Variants in ASAP1 observed in about 807,000 individuals in gnomAD.
ASAP1 encodes the protein ArfGAP with SH3 domain, ankyrin repeat and PH domain 1, also known as arf-GAP with SH3 domain, ANK repeat and PH domain-containing protein 1.
Under a neutral mutation model 145.2 loss-of-function variants are expected in ASAP1, and 43 were observed. That is an observed-to-expected ratio of 0.30 (90% CI 0.23 to 0.38). The LOEUF is 0.38. Ranked by LOEUF, ASAP1 falls within the 10% of genes least tolerant of loss-of-function variation. ASAP1 has a pLI of 1.00. For synonymous variants in ASAP1, 546 were observed against 515.5 expected (o/e 1.06, Z -0.80); for missense variants, 1,018 against 1,355.3 (o/e 0.75, Z 3.91).
intron 5 of ASAP1, among the ~76,000 whole-genome samples, chr8:130,188,742 A>AAAG (rs1484122496): frequency 6.7e-6 from 1 of 149,660 alleles, no homozygotes; most frequent in African/African-American, 2.4e-5. Flanking sequence ...AAAAAAAAAA[A>AAAG]AAAGAAAAGA....
intron 27 of ASAP1, among the ~76,000 whole-genome samples, chr8:130,068,352 AG>A: frequency 6.6e-6 from 1 of 152,336 alleles, no homozygotes; most frequent in South Asian, 2.1e-4. Context: ...CAGGGACAAC[AG>A]AAAGTACCTC....
chr8:130,054,935 C>A, intron 29 of ASAP1, 130 bp from the exon 30 acceptor site: 1 of 733,902 alleles, frequency 1.4e-6, no homozygotes, highest in Non-Finnish European at 2.5e-6. Context: ...ACCCTTCTTC[C>A]CACCCTTTAG....
chr8:130,070,535 G>T (rs2097440883), intron 27 of ASAP1, among the ~76,000 whole-genome samples: 1 of 152,064 alleles, frequency 6.6e-6, no homozygotes, highest in African/African-American at 2.4e-5. Flanking sequence ...ATAACCCCCT[G>T]TGGAGCAGTT....
chr8:130,115,778 G>GA (rs3217641), intron 22 of ASAP1, 43 bp from the exon 23 acceptor site: 253,440 of 1,363,694 alleles, frequency 0.19, 27,234 homozygotes, highest in East Asian at 0.44. Context: ...TTTAAATGCT[G>GA]AAACATCCCA....
At chr8:130,278,893 A>G (rs567080585) in intron 3 of ASAP1, among the ~76,000 whole-genome samples, 1 of 152,302 alleles carries the variant, frequency 6.6e-6, no homozygotes, top group African/African-American at 2.4e-5. Context: ...CCTCACAATT[A>G]GAGAGTGTTA....
At chr8:130,219,911 T>G (rs1237590949) in intron 4 of ASAP1, among the ~76,000 whole-genome samples, 2 of 152,150 alleles carry the variant, frequency 1.3e-5, no homozygotes, top group Non-Finnish European at 2.9e-5. Context: ...CAACTCAGCC[T>G]CTGAAGTAGC....
At chr8:130,299,473 T>C (rs376198413) in intron 3 of ASAP1, among the ~76,000 whole-genome samples, 1 of 152,314 alleles carries the variant, frequency 6.6e-6, no homozygotes, top group East Asian at 1.9e-4. Flanking sequence ...CCCAACACTA[T>C]ATGGCACAGT....
Position 130,300,145 on chromosome 8 carries a change from CACACACACAGAGAGAGAG to C in ASAP1, c.186+57854_186+57871del, listed in dbSNP as rs1409442642. Among the ~76,000 whole-genome samples, 9 of 107,452 alleles carry C rather than the reference CACACACACAGAGAGAGAG, an allele frequency of 8.4e-5. No individual in the cohort carries two copies. In the South Asian group the frequency reaches 2.8e-3, roughly 33 times the overall value. The allele number at this position is 107,452 out of a possible 152,430, so 70.5% of individuals were successfully genotyped here. ...ACACACACACACACACACACACACA[CACACACACAGAGAGAGAG>C]AGAGAGAGAGAGAGAGAGAGAGAGC... On this transcript the variant is annotated intron_variant, in intron 3 of 29. Transcript: ENST00000518721.
intron 9 of ASAP1, among the ~76,000 whole-genome samples, chr8:130,174,921 C>T (rs371512220): frequency 6.6e-5 from 10 of 152,198 alleles, no homozygotes; most frequent in South Asian, 6.2e-4. Flanking sequence ...TGGGTGTTTC[C>T]GTGTTTTGTT....
chr8:130,136,559 G>A (rs1462271711), intron 14 of ASAP1, among the ~76,000 whole-genome samples: 1 of 124,800 alleles, frequency 8.0e-6, no homozygotes, highest in African/African-American at 2.9e-5. Context: ...TCACCTAGTG[G>A]CTTTTTTTTT....
At chr8:130,188,565 C>A (rs1254850446) in intron 5 of ASAP1, among the ~76,000 whole-genome samples, 1 of 151,822 alleles carries the variant, frequency 6.6e-6, no homozygotes. Flanking sequence ...GAGACACCGT[C>A]TCTGCTAAAA....
Position 130,179,277 on chromosome 8 carries a change from G to A in ASAP1, c.733C>T (p.His245Tyr). ...TATTCTACTCACTTGCACTGTGCAT[G>A]GTAATACTTTATAAGATTCTGCAGC... ...DLLQNLIKYYHAQCNFFQDGL... is the reference protein window; with the variant it reads ...DLLQNLIKYYYAQCNFFQDGL... The change falls in exon 9 of 30, where the codon CAT (histidine) becomes TAT (tyrosine). Residue 245 changes from histidine to tyrosine, a missense_variant. Transcript: ENST00000518721. 1 of 1,603,324 alleles carries A rather than the reference G, an allele frequency of 6.2e-7. No homozygotes were observed. The highest frequency in any genetic ancestry group is 8.5e-7 in the Non-Finnish European group (1 of 1,170,272).
intron 1 of ASAP1, among the ~76,000 whole-genome samples, chr8:130,432,687 A>G (rs1830177857): frequency 6.6e-6 from 1 of 152,170 alleles, no homozygotes; most frequent in Non-Finnish European, 1.5e-5. Context: ...GGTTCCAGGT[A>G]TCACATGCTA....
Position 130,116,722 on chromosome 8 carries a change from G to A in ASAP1, c.2020C>T (p.Leu674=). 6.2e-7 allele frequency: 1 copy of A among 1,614,014 alleles called. No individual in the cohort carries two copies. Among genetic ancestry groups the A allele is most frequent in the East Asian group, 2.2e-5 (1 of 44,870 alleles). The stretch of plus-strand genomic sequence containing the variant: ...GCTTTTAGTCTCTTTGCTATGTCTA[G>A]GGCAGTTTCTCCAGCCTGGTTAACT... ...DIVNQAGETA[L]DIAKRLKATQ... Residue 674 remains leucine, a synonymous_variant, in exon 22 of 30, where the codon CTA becomes TTA. Transcript: ENST00000518721.
chr8:130,341,523 T>G (rs1336036512), intron 3 of ASAP1, among the ~76,000 whole-genome samples: 1 of 152,188 alleles, frequency 6.6e-6, no homozygotes, highest in Non-Finnish European at 1.5e-5. Context: ...GACCCTTACT[T>G]GAAAATTAAA....
chr8:130,178,818 G>A (rs1814145889), intron 9 of ASAP1, among the ~76,000 whole-genome samples: 2 of 152,106 alleles, frequency 1.3e-5, no homozygotes, highest in South Asian at 4.1e-4. Context: ...GAACCCAGGA[G>A]GCGGAGATTA....
chr8:130,325,263 T>C (rs1433178446), intron 3 of ASAP1, among the ~76,000 whole-genome samples: 1 of 152,206 alleles, frequency 6.6e-6, no homozygotes, highest in Non-Finnish European at 1.5e-5. Context: ...GGAGAAAGAA[T>C]TCCTTTCTTT....
rs554124189 is a variant in ASAP1, at chr8:130,294,569, A to G, written c.187-57575T>C. On this transcript the variant is annotated intron_variant, in intron 3 of 29. Coordinates refer to ENST00000518721, the MANE Select transcript of ASAP1 (RefSeq NM_018482.4). ...CACCTTCATGCAGTCAGAAAGATGA[A>G]TGAGATAATACATCTAAAGTATGTT... is the stretch of plus-strand genomic sequence containing the variant. Among the ~76,000 whole-genome samples, 20 of 152,348 alleles carry G rather than the reference A, an allele frequency of 1.3e-4. No homozygotes were observed. The East Asian group carries it at 3.7e-3, about 28-fold the overall frequency.
At chr8:130,380,264 G>C (rs1827704961) in intron 2 of ASAP1, among the ~76,000 whole-genome samples, 1 of 152,242 alleles carries the variant, frequency 6.6e-6, no homozygotes, top group African/African-American at 2.4e-5. Context: ...ACCTTCGGGA[G>C]ATGCTAGAGA....
Sources: allele counts gnomAD v4.1 joint callset (sites outside exome capture counted in the v4.1 genomes callset), GRCh38; gene constraint gnomAD v4.1.1; transcripts MANE v1.5; gene names NCBI Gene and HGNC (gene_info 2026-07-23, HGNC 2026-07-21).